Variants in MAP1A observed in about 807,000 individuals in gnomAD.
The protein encoded by MAP1A is microtubule associated protein 1A.
Under a neutral mutation model 185.9 loss-of-function variants are expected in MAP1A, and 42 were observed. The ratio of observed to expected loss-of-function variants is 0.23; its 90% CI spans 0.18 to 0.29. The LOEUF is 0.29. Ranked by LOEUF, MAP1A falls within the 10% of genes least tolerant of loss-of-function variation. The pLI is 1.00. For synonymous variants in MAP1A, 1,229 were observed against 1,335.9 expected (o/e 0.92, Z 1.74); for missense variants, 2,995 against 3,450.4 (o/e 0.87, Z 3.31).
At chr15:43,516,659 A>G (rs2079298513), upstream of MAP1A, among the ~76,000 whole-genome samples, 1 of 152,254 alleles carries the variant, frequency 6.6e-6, no homozygotes, top group Non-Finnish European at 1.5e-5. Context: ...CAGGATCAAC[A>G]TTAGAAAGAT....
In MAP1A at chr15:43,525,358, C is replaced by T; in HGVS notation, c.3885C>T (p.His1295=). 1.2e-6 allele frequency: 2 copies of T among 1,613,988 alleles called. No individual in the cohort carries two copies. The highest frequency in any genetic ancestry group is 8.5e-7 in the Non-Finnish European group (1 of 1,180,028). Residue 1295 remains histidine, a synonymous_variant, in exon 4 of 6, where the codon CAC becomes CAT. Coordinates refer to ENST00000300231, the MANE Select transcript of MAP1A (RefSeq NM_002373.6). ...AGTCACCTGCCAGCTCATTCTCTCACTCTACACCTTCAGGAAATGGGAAGT... is the reference window on the plus strand; with the variant it reads ...AGTCACCTGCCAGCTCATTCTCTCATTCTACACCTTCAGGAAATGGGAAGT... ...DRKSPASSFS[H]STPSGNGKYL...
In MAP1A at chr15:43,530,395, C is replaced by T. The variant is rs1389237092; in HGVS notation, c.*171C>T. The T allele has an allele frequency of 3.9e-6, 3 of 763,920 alleles. No homozygotes were observed. Among genetic ancestry groups the T allele is most frequent in the Non-Finnish European group, 4.1e-6 (2 of 485,178 alleles). 47.3% of individuals were successfully genotyped at this position (763,920 alleles called of 1,614,324 possible). ...GGGAGGGGTTGTCCCTCCCCATCAT[C>T]CATTCCTGTGAGGTGTCTCAAACCA... On this transcript the variant is annotated 3_prime_UTR_variant, in exon 6 of 6. Coordinates refer to ENST00000300231, the MANE Select transcript of MAP1A (RefSeq NM_002373.6).
chr15:43,522,988 C>A lies in MAP1A; in HGVS notation c.1515C>A (p.Pro505=). 2 of 1,614,168 alleles carry A rather than the reference C, an allele frequency of 1.2e-6. No homozygotes were observed. Among genetic ancestry groups the A allele is most frequent in the Non-Finnish European group, 1.7e-6 (2 of 1,180,036 alleles). The change falls in exon 4 of 6, where the codon CCC becomes CCA. Residue 505 remains proline (P), a synonymous_variant. Coordinates refer to ENST00000300231, the MANE Select transcript of MAP1A (RefSeq NM_002373.6). The surrounding 1 kb of genome is among the most constrained non-coding windows in gnomAD (Gnocchi z 5.9). ...AGCTGTCTTCTGAGCCCCAGACACC[C>A]CCAGCCCAGAAGGGAACTGTACCAC... ...EKELSSEPQT[P]PAQKGTVPLP...
At chr15:43,520,398 G>C (rs689883) in intron 1 of MAP1A, among the ~76,000 whole-genome samples, 40,657 of 152,016 alleles carry the variant, frequency 0.27, 9,199 homozygotes, top group African/African-American at 0.61. Flanking sequence ...ACAGGCAGCA[G>C]AGGGTGTGGT....
rs756232672 is a variant in MAP1A, at chr15:43,526,921, A to G, written c.5448A>G (p.Gln1816=). 1 of 1,614,054 alleles carries G rather than the reference A, an allele frequency of 6.2e-7. No individual in the cohort carries two copies. The highest frequency in any genetic ancestry group is 1.7e-5 in the Admixed American group (1 of 60,006). The change falls in exon 4 of 6, where the codon CAA becomes CAG. Residue 1816 remains glutamine (Q), a synonymous_variant. Transcript: ENST00000300231. This position sits in a 1 kb window ranked among gnomAD's most constrained non-coding sequence, Gnocchi z 4.7. ...AAAGGGTTCCTTCAGCCCCAGGACA[A>G]GAGAGTCCTATCCCAGACCCTAAGC... is the stretch of plus-strand genomic sequence containing the variant. ...VGQRVPSAPG[Q]ESPIPDPKLM... is the part of the protein sequence containing the mutation.
upstream of MAP1A, among the ~76,000 whole-genome samples, chr15:43,512,856 G>C (rs1336441388): frequency 6.6e-6 from 1 of 152,146 alleles, no homozygotes; most frequent in Non-Finnish European, 1.5e-5. Flanking sequence ...TGAATTTACT[G>C]CTACAAGATC....
chr15:43,520,700 A>T lies in MAP1A; in HGVS notation c.-315A>T, dbSNP rs866108714. 1 of 1,550,276 alleles carries T rather than the reference A, an allele frequency of 6.5e-7. No homozygotes were observed. Among genetic ancestry groups the T allele is most frequent in the African/African-American group, 1.4e-5 (1 of 73,046 alleles). ...AGAGACCATCATCCTGGTAAATCCC[A>T]GTGCAGACAGCATCAGCTCTGAGGT... On this transcript the variant is annotated 5_prime_UTR_variant, in exon 2 of 6. Transcript: ENST00000300231.
chr15:43,527,292 G>C lies in MAP1A; in HGVS notation c.5819G>C (p.Ser1940Thr). The C allele has an allele frequency of 6.2e-7, 1 of 1,614,176 alleles. No homozygotes were observed. Among genetic ancestry groups the C allele is most frequent in the Non-Finnish European group, 8.5e-7 (1 of 1,180,002 alleles). The change falls in exon 4 of 6, where the codon AGC (serine) becomes ACC (threonine). Residue 1940 changes from serine (S) to threonine (T), a missense_variant. Around this residue, in one of 3 missense-constraint regions of MAP1A, gnomAD observed 2,728 missense variants for 2,986.0 expected, o/e 0.91. Coordinates refer to ENST00000300231, the MANE Select transcript of MAP1A (RefSeq NM_002373.6). ...HSSKVPEASK[S>T]HATTEPEQTE... ...TCAAAGGTACCAGAGGCCAGCAAAA[G>C]CCATGCCACCACGGAGCCTGAGCAG...
intron 1 of MAP1A, among the ~76,000 whole-genome samples, chr15:43,519,469 A>C (rs1156288492): frequency 1.3e-5 from 2 of 152,232 alleles, no homozygotes; most frequent in African/African-American, 4.8e-5. Flanking sequence ...GGGTCACAGA[A>C]GAGGGTCTAA....
In MAP1A at chr15:43,527,510, G is replaced by A; in HGVS notation, c.6037G>A (p.Ala2013Thr). ...KEAAAGRNTSAEKELSSPISP... is the reference protein window; with the variant it reads ...KEAAAGRNTSTEKELSSPISP... ...GGCAGCTGCCGGCCGAAACACATCT[G>A]CAGAGAAGGAGCTTTCATCTCCTAT... The change falls in exon 4 of 6, where the codon GCA becomes ACA. Residue 2013 changes from alanine (A) to threonine (T), a missense_variant. Coordinates refer to ENST00000300231, the MANE Select transcript of MAP1A (RefSeq NM_002373.6). The A allele has an allele frequency of 6.2e-7, 1 of 1,614,080 alleles. No homozygotes were observed.
In MAP1A at chr15:43,525,811, G is replaced by A. The variant is rs2079340688; in HGVS notation, c.4338G>A (p.Lys1446=). 4 of 1,612,898 alleles carry A rather than the reference G, an allele frequency of 2.5e-6. No individual in the cohort carries two copies. The highest frequency in any genetic ancestry group is 3.3e-5 in the Admixed American group (2 of 59,832). The change falls in exon 4 of 6, where the codon AAG becomes AAA. Residue 1446 remains lysine (K), a synonymous_variant. Transcript: ENST00000300231. Reference sequence around the variant, plus strand: ...AAAAAGACAAGGCCCTGGAACAGAAGGATAAGATTCCAGAAGAGAAAGACA... The same window carrying A: ...AAAAAGACAAGGCCCTGGAACAGAAAGATAAGATTCCAGAAGAGAAAGACA... ...LEEKDKALEQ[K]DKIPEEKDKA...
rs987629087 is a variant in MAP1A at position 43,527,346 on chromosome 15, C to T, written c.5873C>T (p.Pro1958Leu). The stretch of plus-strand genomic sequence containing the variant: ...GAGCCGGAGCAGAGAGAGCCCACAC[C>T]CTATCCTGATGAGAGAAGCTTTCAG... ...QTEPEQREPT[P>L]YPDERSFQYA... The change falls in exon 4 of 6, where the codon CCC becomes CTC. Residue 1958 changes from proline (P) to leucine (L), a missense_variant. Physicochemically the swap from Pro to Leu is moderately conservative, Grantham distance 98 (BLOSUM62 -3). Transcript: ENST00000300231. The T allele has an allele frequency of 1.9e-6, 3 of 1,614,040 alleles. No homozygotes were observed. In the African/African-American group the frequency reaches 4.0e-5, roughly 22 times the overall value.
At chr15:43,518,786 A>G (rs2079308837) in intron 1 of MAP1A, among the ~76,000 whole-genome samples, 1 of 149,784 alleles carries the variant, frequency 6.7e-6, no homozygotes, top group African/African-American at 2.5e-5. Context: ...AAGAAAAAGG[A>G]AAAAACGAGT....
At chr15:43,516,591 TC>T (rs2079298215), upstream of MAP1A, among the ~76,000 whole-genome samples, 1 of 152,130 alleles carries the variant, frequency 6.6e-6, no homozygotes, top group African/African-American at 2.4e-5. Context: ...TCCAGATTCT[TC>T]CTTTGAGTCC....
chr15:43,522,910 GGTCCCTGGAAGA>G lies in MAP1A; in HGVS notation c.1441_1452del (p.Pro481_Val484del), dbSNP rs1566977354. On this transcript the variant is annotated inframe_deletion, in exon 4 of 6. Transcript: ENST00000300231. The surrounding 1 kb of genome is among the most constrained non-coding windows in gnomAD (Gnocchi z 5.9). ...TACGTAAGACCCTCTATAAAGCCAAGGTCCCTGGAAGAGTCAAAATAGACAGGAGCCGTGCTA... is the reference window on the plus strand; with the variant it reads ...TACGTAAGACCCTCTATAAAGCCAAGGTCAAAATAGACAGGAGCCGTGCTA... 9 of 1,613,390 alleles carry G rather than the reference GGTCCCTGGAAGA, an allele frequency of 5.6e-6. No individual in the cohort carries two copies. The highest frequency in any genetic ancestry group is 6.8e-6 in the Non-Finnish European group (8 of 1,179,670).
At position 43,526,508 on chromosome 15, in the gene MAP1A, G is replaced by T; in HGVS notation, c.5035G>T (p.Asp1679Tyr). 6.2e-7 allele frequency: 1 copy of T among 1,614,136 alleles called. No individual in the cohort carries two copies. The highest frequency in any genetic ancestry group is 8.5e-7 in the Non-Finnish European group (1 of 1,180,026). ...ATGGGAGGACACATCTCCTGAGCAGGACAATAGGTATTGGAGGGGCAGAGA... is the reference window on the plus strand; with the variant it reads ...ATGGGAGGACACATCTCCTGAGCAGTACAATAGGTATTGGAGGGGCAGAGA... ...PAWEDTSPEQDNRYWRGREDV... is the reference protein window; with the variant it reads ...PAWEDTSPEQYNRYWRGREDV... Residue 1679 changes from aspartate (D) to tyrosine (Y), a missense_variant, in exon 4 of 6, where the codon GAC becomes TAC. By Grantham distance (160) the Asp-to-Tyr change is radical (BLOSUM62 -3). Coordinates refer to ENST00000300231, the MANE Select transcript of MAP1A (RefSeq NM_002373.6). This position sits in a 1 kb window ranked among gnomAD's most constrained non-coding sequence, Gnocchi z 4.7.
Position 43,522,262 on chromosome 15 carries a change from G to A in MAP1A, c.789G>A (p.Val263=), listed in dbSNP as rs754323568. 1.2e-6 allele frequency: 2 copies of A among 1,614,200 alleles called. No individual in the cohort carries two copies. Among genetic ancestry groups the A allele is most frequent in the South Asian group, 1.1e-5 (1 of 91,080 alleles). Residue 263 remains valine (V), a synonymous_variant, in exon 4 of 6, where the codon GTG becomes GTA. Transcript: ENST00000300231. The surrounding 1 kb of genome is among the most constrained non-coding windows in gnomAD (Gnocchi z 5.9). ...CAGCCAATCCCACTGAGAAGATTGT[G>A]CGTGTGCTTTTTCCAGGAAATGCTC... is the stretch of plus-strand genomic sequence containing the variant. ...WLPANPTEKI[V]RVLFPGNAPQ... is the part of the protein sequence containing the mutation.
intron 1 of MAP1A, chr15:43,512,092 T>A (rs1566975168): frequency 2.8e-6 from 2 of 724,120 alleles, no homozygotes; most frequent in East Asian, 5.4e-5. Flanking sequence ...ATACCCTCCC[T>A]CTCCTTACCT....
chr15:43,524,316 T>C lies in MAP1A; in HGVS notation c.2843T>C (p.Val948Ala), dbSNP rs2079332932. The change falls in exon 4 of 6, where the codon GTA becomes GCA. Residue 948 changes from valine (V) to alanine (A), a missense_variant. Physicochemically the swap from Val to Ala is moderately conservative, Grantham distance 64 (BLOSUM62 0). Transcript: ENST00000300231. Reference protein sequence around the residue: ...VEEEEEETANVEMSEKLCSQY... With the variant: ...VEEEEEETANAEMSEKLCSQY... ...GAGGAAGAGGAGGAGACAGCAAACG[T>C]AGAGATGTCTGAGAAACTTTGCAGT... The C allele has an allele frequency of 6.2e-7, 1 of 1,614,058 alleles. No individual in the cohort carries two copies.
Sources: gnomAD v4.1 joint callset for allele counts (sites outside exome capture counted in the v4.1 genomes callset) on GRCh38, gnomAD v4.1.1 for gene constraint, gnomAD v4.1.1 regional missense constraint, Gnocchi (gnomAD v3.1) non-coding constraint, MANE v1.5 for transcripts, NCBI Gene and HGNC (gene_info 2026-07-23, HGNC 2026-07-21) for gene names.